DYM: variants seen among roughly 807,000 people sequenced by gnomAD.
DYM encodes dyggve-Melchior-Clausen syndrome protein.
In DYM, 78 loss-of-function variants were observed where a neutral mutation model predicts 93.1. That is an observed-to-expected ratio of 0.84 (90% confidence interval 0.70 to 1.01). The LOEUF (loss-of-function observed/expected upper bound fraction) is 1.01. Ranked by LOEUF, DYM falls within the 50% of genes least tolerant of loss-of-function variation. The probability of loss-of-function intolerance (pLI) is 0.00; values close to 1 mark genes in which losing one functional copy is unlikely to be tolerated. For missense variants in DYM, 789 were observed against 845.0 expected (o/e 0.93, Z 0.82); for synonymous variants, 321 against 319.7 (o/e 1.00, Z -0.04).
chr18:49,299,102 C>G (rs2060740741), intron 8 of DYM, among the ~76,000 whole-genome samples: 1 of 152,048 alleles, frequency 6.6e-6, no homozygotes, highest in South Asian at 2.1e-4. Context: ...AATGTCATCC[C>G]CTAAAGCAGT....
chr18:49,340,578 A>C (rs2064036034), intron 6 of DYM, among the ~76,000 whole-genome samples: 1 of 152,254 alleles, frequency 6.6e-6, no homozygotes, highest in South Asian at 2.1e-4. Context: ...TGATGATAAT[A>C]GTGCTAAAGA....
At chr18:49,130,711 T>G (rs1228239586) in intron 15 of DYM, among the ~76,000 whole-genome samples, 1 of 152,206 alleles carries the variant, frequency 6.6e-6, no homozygotes, top group Non-Finnish European at 1.5e-5. Context: ...TACAATGGAC[T>G]GTATGACTTG....
chr18:49,072,325 T>G (rs1430800660), intron 17 of DYM, among the ~76,000 whole-genome samples: 2 of 152,078 alleles, frequency 1.3e-5, no homozygotes, highest in Non-Finnish European at 2.9e-5. Context: ...ATTTTTGAAG[T>G]GGAAAAAATC....
At chr18:49,101,715 C>T (rs1355331336) in intron 16 of DYM, among the ~76,000 whole-genome samples, 2 of 152,064 alleles carry the variant, frequency 1.3e-5, no homozygotes, top group South Asian at 2.1e-4. Flanking sequence ...TCCTCATTGA[C>T]TTGAGTTTCC....
At chr18:49,242,688 G>A (rs1048470338) in intron 13 of DYM, among the ~76,000 whole-genome samples, 2 of 152,048 alleles carry the variant, frequency 1.3e-5, no homozygotes, top group Admixed American at 1.3e-4. Flanking sequence ...TATAACTAGC[G>A]TTATTTTTGT....
intron 13 of DYM, among the ~76,000 whole-genome samples, chr18:49,220,857 T>C (rs976337901): frequency 2.6e-5 from 4 of 152,212 alleles, no homozygotes; most frequent in African/African-American, 4.8e-5. Context: ...AAGGACTTCA[T>C]GTCTAAAACA....
At position 49,036,933 on chromosome 18, in the gene DYM, GCT is replaced by G. The variant is rs2070725629; in HGVS notation, c.*7120_*7121del. 6.6e-6 allele frequency among the ~76,000 whole-genome samples: 1 copy of G among 150,570 alleles called. No homozygotes were observed. On this transcript the variant is annotated 3_prime_UTR_variant, in exon 18 of 18. Coordinates refer to ENST00000675505, the MANE Select transcript of DYM (RefSeq NM_001353214.3). ...TTTATTTATTTTGGGACGGAGTCTCGCTCTGTTGCCCAGGCTGGAGTGCAGTG... is the reference window on the plus strand; with the variant it reads ...TTTATTTATTTTGGGACGGAGTCTCGCTGTTGCCCAGGCTGGAGTGCAGTG...
chr18:49,458,800 C>G (rs2148770147), intron 1 of DYM, among the ~76,000 whole-genome samples: 1 of 152,316 alleles, frequency 6.6e-6, no homozygotes, highest in East Asian at 1.9e-4. Context: ...GATCACGCCA[C>G]TGTACTCCAG....
Position 49,317,655 on chromosome 18 carries a change from T to A in DYM, c.763+14209A>T, listed in dbSNP as rs1352021163. The stretch of plus-strand genomic sequence containing the variant: ...TCTCCTATCCTCTCCTCTCCTTCCT[T>A]CCTTCCTTCCTTCCTTCCTTCCTTC... On this transcript the variant is annotated intron_variant, in intron 8 of 17. Transcript: ENST00000675505. Among the ~76,000 whole-genome samples, 13 of 36,074 alleles carry A rather than the reference T, an allele frequency of 3.6e-4. 1 individual carries two copies. The East Asian group carries it at 0.019, about 52-fold the overall frequency. 23.7% of individuals were successfully genotyped at this position (36,074 alleles called of 152,430 possible).
intron 14 of DYM, among the ~76,000 whole-genome samples, chr18:49,205,570 G>A (rs961282020): frequency 3.3e-5 from 5 of 152,050 alleles, no homozygotes; most frequent in African/African-American, 1.2e-4. Context: ...ATTTTATGAT[G>A]GGTACTATCA....
At chr18:49,422,757 A>C (rs1346048044) in intron 2 of DYM, among the ~76,000 whole-genome samples, 2 of 152,236 alleles carry the variant, frequency 1.3e-5, no homozygotes, top group African/African-American at 4.8e-5. Context: ...CTAGTCTCTG[A>C]TAAAACAGAC....
intron 13 of DYM, among the ~76,000 whole-genome samples, chr18:49,255,831 C>T (rs1236993201): frequency 6.6e-6 from 1 of 151,964 alleles, no homozygotes; most frequent in African/African-American, 2.4e-5. Context: ...GCTAAAAAGC[C>T]CTGCAATGAT....
chr18:49,342,448 G>C (rs2064239196), intron 6 of DYM, among the ~76,000 whole-genome samples: 1 of 152,166 alleles, frequency 6.6e-6, no homozygotes, highest in Non-Finnish European at 1.5e-5. Context: ...CCAGGGATTA[G>C]AGCATGTACA....
intron 8 of DYM, among the ~76,000 whole-genome samples, chr18:49,331,592 T>C (rs2063308997): frequency 1.3e-5 from 2 of 152,252 alleles, no homozygotes; most frequent in Non-Finnish European, 2.9e-5. Context: ...ACTATACAGC[T>C]ACAATTCATG....
chr18:49,426,097 A>G (rs79572802), intron 2 of DYM, among the ~76,000 whole-genome samples: 13,916 of 152,152 alleles, frequency 0.091, 850 homozygotes, highest in East Asian at 0.3. Flanking sequence ...ACATGCACAC[A>G]TATGTTTATT....
At chr18:49,448,542 C>T (rs1159993723) in intron 1 of DYM, among the ~76,000 whole-genome samples, 5 of 152,174 alleles carry the variant, frequency 3.3e-5, no homozygotes, top group African/African-American at 1.2e-4. Flanking sequence ...GCATGACTAG[C>T]CCCAGTGACT....
intron 15 of DYM, among the ~76,000 whole-genome samples, chr18:49,148,278 C>T (rs111549065): frequency 0.016 from 2,331 of 148,464 alleles, 22 homozygotes; most frequent in African/African-American, 0.053. Flanking sequence ...ACCAACATGG[C>T]ACATGTATAC....
intron 1 of DYM, among the ~76,000 whole-genome samples, chr18:49,451,613 G>C (rs1365049595): frequency 6.6e-6 from 1 of 152,212 alleles, no homozygotes; most frequent in Admixed American, 6.5e-5. Context: ...GAGATTTCTT[G>C]TGGAACAGAG....
At chr18:49,263,505 T>C (rs973343777) in intron 11 of DYM, among the ~76,000 whole-genome samples, 2 of 150,136 alleles carry the variant, frequency 1.3e-5, no homozygotes, top group Non-Finnish European at 3.0e-5. Context: ...CTGAGGTGGG[T>C]GGATCACGAG....
Sources: gnomAD v4.1 joint callset for allele counts (sites outside exome capture counted in the v4.1 genomes callset) on GRCh38, gnomAD v4.1.1 for gene constraint, MANE v1.5 for transcripts, NCBI Gene and HGNC (gene_info 2026-07-23, HGNC 2026-07-21) for gene names.